The following ATG4C variants were observed in gnomAD, a reference collection of about 807,000 sequenced individuals.
The protein encoded by ATG4C is cysteine protease ATG4C.
Under a neutral mutation model 57.6 loss-of-function variants are expected in ATG4C, and 56 were observed. The observed-to-expected ratio is 0.97, with a 90% CI of 0.78 to 1.21. The LOEUF (loss-of-function observed/expected upper bound fraction) is 1.21. Among genes scored for constraint, ATG4C ranks in the 50% most tolerant of loss-of-function variants. The pLI, the probability that ATG4C is intolerant of heterozygous loss-of-function variation, is 0.00. For missense variants in ATG4C, 595 were observed against 529.8 expected, an observed-to-expected ratio of 1.12 and a Z score of -1.21; for synonymous variants, 157 against 174.1, an observed-to-expected ratio of 0.90 and a Z score of 0.78.
At chr1:62,786,259 T>C (rs1347417272) in intron 1 of ATG4C, among the ~76,000 whole-genome samples, 1 of 152,200 alleles carries the variant, frequency 6.6e-6, no homozygotes, top group African/African-American at 2.4e-5. Context: ...CAGCTATTCA[T>C]ACCAGACACT....
intron 3 of ATG4C, among the ~76,000 whole-genome samples, chr1:62,815,046 C>CT (rs1339306674): frequency 1.3e-5 from 2 of 152,110 alleles, no homozygotes; most frequent in African/African-American, 4.8e-5. Context: ...GCCTGGGTGA[C>CT]AGAACGAGAC....
At chr1:62,838,364 C>T (rs957287567) in intron 9 of ATG4C, among the ~76,000 whole-genome samples, 1 of 152,054 alleles carries the variant, frequency 6.6e-6, no homozygotes, top group Non-Finnish European at 1.5e-5. Context: ...AAAATTATCA[C>T]GAAGTGAACA....
intron 6 of ATG4C, 65 bp downstream of exon 6, chr1:62,821,274 T>C: frequency 9.2e-7 from 1 of 1,088,844 alleles, no homozygotes; most frequent in Non-Finnish European, 1.3e-6. Context: ...GTGTTTAGCT[T>C]ATCCCAGTAA....
Position 62,819,062 on chromosome 1 carries a change from C to G in ATG4C, c.452C>G (p.Ser151Cys). ...IENSDSESWT[S>C]HTVKKFTASF... ...AATTCAGACTCTGAATCATGGACTT[C>G]CCACACTGTCAAAAAATTTACTGCA... Residue 151 changes from serine to cysteine, a missense_variant, in exon 5 of 11, where the codon TCC becomes TGC. By Grantham distance (112) the Ser-to-Cys change is moderately radical. Transcript: ENST00000317868. 6.2e-7 allele frequency: 1 copy of G among 1,603,996 alleles called. No homozygotes were observed. The highest frequency in any genetic ancestry group is 8.5e-7 in the Non-Finnish European group (1 of 1,175,256).
intron 7 of ATG4C, among the ~76,000 whole-genome samples, chr1:62,833,358 A>G (rs766141816): frequency 6.6e-6 from 1 of 152,184 alleles, no homozygotes; most frequent in Non-Finnish European, 1.5e-5. Flanking sequence ...TTAAAAAGAT[A>G]TAGAGTTGAT....
chr1:62,859,224 T>C (rs1400804135), intron 10 of ATG4C, among the ~76,000 whole-genome samples: 5 of 152,158 alleles, frequency 3.3e-5, no homozygotes, highest in Non-Finnish European at 1.5e-5. Flanking sequence ...TTTTCAGCTT[T>C]GGGATGCTGA....
chr1:62,796,621 C>T (rs1448947708), intron 1 of ATG4C, among the ~76,000 whole-genome samples: 2 of 152,076 alleles, frequency 1.3e-5, no homozygotes, highest in Admixed American at 6.5e-5. Flanking sequence ...TTTTCTAGTC[C>T]AGCAGTTTCA....
At chr1:62,794,576 T>C (rs1664397692) in intron 1 of ATG4C, among the ~76,000 whole-genome samples, 2 of 152,246 alleles carry the variant, frequency 1.3e-5, no homozygotes, top group Non-Finnish European at 2.9e-5. Context: ...ATTGTGTTGC[T>C]GTTCCTTTTT....
At chr1:62,815,687 TTTTA>T (rs1265695979) in intron 3 of ATG4C, among the ~76,000 whole-genome samples, 7 of 151,976 alleles carry the variant, frequency 4.6e-5, no homozygotes, top group Admixed American at 4.6e-4. Context: ...CCTGGTTAAT[TTTTA>T]TTTATTTTTA....
chr1:62,796,359 A>G (rs1292950286), intron 1 of ATG4C, among the ~76,000 whole-genome samples: 2 of 152,012 alleles, frequency 1.3e-5, no homozygotes, highest in African/African-American at 4.8e-5. Flanking sequence ...ATGTTACCCC[A>G]TTTATTTTAA....
intron 1 of ATG4C, among the ~76,000 whole-genome samples, chr1:62,803,028 T>C (rs1337498930): frequency 2.6e-5 from 4 of 152,200 alleles, no homozygotes; most frequent in Non-Finnish European, 4.4e-5. Flanking sequence ...GCATTTTCAG[T>C]TATAATTTGT....
chr1:62,822,352 A>G (rs1435344189), intron 6 of ATG4C, among the ~76,000 whole-genome samples: 2 of 152,184 alleles, frequency 1.3e-5, no homozygotes, highest in East Asian at 1.9e-4. Context: ...AAATTTTCAG[A>G]TAAGTATATG....
intron 10 of ATG4C, among the ~76,000 whole-genome samples, chr1:62,857,323 G>T (rs1416885461): frequency 6.6e-6 from 1 of 152,094 alleles, no homozygotes; most frequent in Non-Finnish European, 1.5e-5. Context: ...ACCCTATTGT[G>T]AACTGCATAT....
At chr1:62,817,317 A>G (rs1337104623) in intron 4 of ATG4C, among the ~76,000 whole-genome samples, 1 of 152,154 alleles carries the variant, frequency 6.6e-6, no homozygotes, top group African/African-American at 2.4e-5. Flanking sequence ...ATACTCAATT[A>G]TATTAAATCA....
chr1:62,804,462 G>A (rs180819701), intron 2 of ATG4C, among the ~76,000 whole-genome samples: 4 of 148,848 alleles, frequency 2.7e-5, no homozygotes, highest in South Asian at 2.1e-4. Flanking sequence ...TTTTTTTAGC[G>A]TTCTAAAACA....
chr1:62,797,251 T>C (rs4370785), intron 1 of ATG4C, among the ~76,000 whole-genome samples: 22,062 of 152,100 alleles, frequency 0.15, 1,700 homozygotes, highest in South Asian at 0.2. Flanking sequence ...GTTCCCCTTT[T>C]TTTCTCACTC....
intron 3 of ATG4C, among the ~76,000 whole-genome samples, chr1:62,807,306 T>C (rs370939349): frequency 6.6e-6 from 1 of 152,284 alleles, no homozygotes; most frequent in Admixed American, 6.5e-5. Flanking sequence ...TTGGTAAAAC[T>C]CTTAACAATT....
chr1:62,825,410 T>G (rs1160966112), intron 6 of ATG4C, among the ~76,000 whole-genome samples: 1 of 152,170 alleles, frequency 6.6e-6, no homozygotes, highest in Admixed American at 6.5e-5. Context: ...CTTTGTTTAC[T>G]TGATTTCTGG....
At chr1:62,810,402 C>G (rs558180589) in intron 3 of ATG4C, among the ~76,000 whole-genome samples, 1 of 152,206 alleles carries the variant, frequency 6.6e-6, no homozygotes, top group South Asian at 2.1e-4. Flanking sequence ...TCTTTGTTGC[C>G]TCAACAGAAA....
Sources: gnomAD v4.1 joint callset for allele counts (sites outside exome capture counted in the v4.1 genomes callset) on GRCh38, gnomAD v4.1.1 for gene constraint, MANE v1.5 for transcripts, NCBI Gene and HGNC (gene_info 2026-07-23, HGNC 2026-07-21) for gene names.